Variants in RANBP17 observed in about 807,000 individuals in gnomAD.
The protein encoded by RANBP17 is ran-binding protein 17.
RANBP17 carries 158 observed loss-of-function variants against 141.2 expected under a neutral mutation model. The ratio of observed to expected loss-of-function variants is 1.12; its 90% CI spans 0.98 to 1.28. RANBP17 has a LOEUF of 1.28. Ranked by LOEUF, RANBP17 falls within the 50% of genes most tolerant of loss-of-function variation. The pLI is 0.00. For synonymous variants in RANBP17, 430 were observed against 450.0 expected, an observed-to-expected ratio of 0.96 and a Z score of 0.56; for missense variants, 1,438 against 1,290.7, an observed-to-expected ratio of 1.11 and a Z score of -1.75.
chr5:170,961,041 C>G (rs1020973743), intron 13 of RANBP17, among the ~76,000 whole-genome samples: 1 of 152,202 alleles, frequency 6.6e-6, no homozygotes, highest in African/African-American at 2.4e-5. Flanking sequence ...CCACTGCACC[C>G]GGCCCCCTGC....
chr5:171,143,863 AT>A (rs1757866438), intron 14 of RANBP17, among the ~76,000 whole-genome samples: 1 of 152,228 alleles, frequency 6.6e-6, no homozygotes, highest in African/African-American at 2.4e-5. Flanking sequence ...GAGGATAATT[AT>A]TCTCAGCTGA....
intron 14 of RANBP17, among the ~76,000 whole-genome samples, chr5:171,055,910 A>AAAAAAAG (rs1783332327): frequency 1.4e-5 from 2 of 141,686 alleles, no homozygotes; most frequent in African/African-American, 5.1e-5. Context: ...AAAAAAAAAC[A>AAAAAAAG]TTCTTATTAC....
Position 170,919,415 on chromosome 5 carries a change from A to G in RANBP17, c.1102-26A>G, listed in dbSNP as rs1026561690. 4.1e-6 allele frequency: 6 copies of G among 1,458,552 alleles called. No individual in the cohort carries two copies. In the African/African-American group the frequency reaches 5.7e-5, roughly 14 times the overall value. The allele number at this position is 1,458,552 out of a possible 1,614,324, so 90.4% of individuals were successfully genotyped here. A position where few individuals can be genotyped will look rare whatever the true frequency, so the allele number is the denominator to read the frequency against. On this transcript the variant is annotated intron_variant, in intron 10 of 27. Coordinates refer to ENST00000523189, the MANE Select transcript of RANBP17 (RefSeq NM_022897.5). ...ATTGTAGGAAGATGTAATATTTTAA[A>G]TAACTTCTGCTTTATTTCTTTGTAG... is the stretch of plus-strand genomic sequence containing the variant.
chr5:171,279,810 C>T (rs1043973664), intron 25 of RANBP17, among the ~76,000 whole-genome samples: 1 of 152,062 alleles, frequency 6.6e-6, no homozygotes, highest in Non-Finnish European at 1.5e-5. Flanking sequence ...TGTGAAAGAA[C>T]TTGCCCAAGT....
chr5:170,897,168 C>G (rs1443129938), intron 5 of RANBP17: 3 of 788,772 alleles, frequency 3.8e-6, no homozygotes, highest in Non-Finnish European at 6.6e-6. Context: ...CAGCTCATCA[C>G]TGATACTTAT....
intron 14 of RANBP17, among the ~76,000 whole-genome samples, chr5:170,970,988 G>C (rs1042804390): frequency 1.3e-5 from 2 of 152,300 alleles, no homozygotes; most frequent in Admixed American, 6.5e-5. Context: ...ACTGTTGAAT[G>C]TGTGTATTTA....
intron 3 of RANBP17, among the ~76,000 whole-genome samples, chr5:170,890,837 G>A (rs545551686): frequency 6.6e-6 from 1 of 152,090 alleles, no homozygotes; most frequent in Non-Finnish European, 1.5e-5. Context: ...ATGCTTTCTT[G>A]AATTTATATA....
chr5:171,276,912 GT>G (rs1363719572), intron 25 of RANBP17, among the ~76,000 whole-genome samples: 7 of 43,206 alleles, frequency 1.6e-4, no homozygotes, highest in Admixed American at 7.8e-4. Context: ...TTCACTAAAT[GT>G]ATCTTAAAAA....
intron 14 of RANBP17, among the ~76,000 whole-genome samples, chr5:170,979,555 G>C (rs1011396636): frequency 2.0e-5 from 3 of 152,116 alleles, no homozygotes; most frequent in Non-Finnish European, 4.4e-5. Context: ...CATGGGACAG[G>C]TCTTTCCTAT....
chr5:171,252,275 A>G, intron 24 of RANBP17: 3 of 1,553,828 alleles, frequency 1.9e-6, no homozygotes, highest in South Asian at 2.3e-5. Context: ...CGCTTACCTA[A>G]TGGTAATATT....
In RANBP17 at chr5:171,012,843, A is replaced by G. The variant is rs184404753; in HGVS notation, c.1710+44466A>G. Among the ~76,000 whole-genome samples, 619 of 152,272 alleles carry G rather than the reference A, an allele frequency of 4.1e-3. 5 individuals carry two copies. The highest frequency in any genetic ancestry group is 0.014 in the African/African-American group (595 of 41,566). On this transcript the variant is annotated intron_variant, in intron 14 of 27. Coordinates refer to ENST00000523189, the MANE Select transcript of RANBP17 (RefSeq NM_022897.5). Reference sequence around the variant, plus strand: ...AAAGTATACTTTTAAAAACAAATGTATATGGTTGCTTGCAGATACGATCAA... The same window carrying G: ...AAAGTATACTTTTAAAAACAAATGTGTATGGTTGCTTGCAGATACGATCAA...
At chr5:171,069,119 G>T (rs541357597) in intron 14 of RANBP17, among the ~76,000 whole-genome samples, 1 of 152,128 alleles carries the variant, frequency 6.6e-6, no homozygotes, top group African/African-American at 2.4e-5. Context: ...TAGGTGTTCT[G>T]TTTCTTTAAA....
chr5:171,006,545 A>G (rs902658808), intron 14 of RANBP17, among the ~76,000 whole-genome samples: 7 of 152,222 alleles, frequency 4.6e-5, no homozygotes, highest in East Asian at 1.9e-4. Flanking sequence ...GAATTGAACA[A>G]TGAGAACACA....
chr5:171,159,886 C>G (rs1759198867), intron 14 of RANBP17, among the ~76,000 whole-genome samples: 1 of 145,126 alleles, frequency 6.9e-6, no homozygotes, highest in South Asian at 2.2e-4. Context: ...TCATGCCACT[C>G]CAGCCTGGGC....
chr5:171,047,476 G>A (rs1431229794), intron 14 of RANBP17, among the ~76,000 whole-genome samples: 4 of 133,010 alleles, frequency 3.0e-5, no homozygotes, highest in Admixed American at 1.8e-4. Context: ...TCACTCTGTC[G>A]CCCAGGCTGG....
At chr5:171,004,793 G>A (rs1779468758) in intron 14 of RANBP17, among the ~76,000 whole-genome samples, 1 of 152,180 alleles carries the variant, frequency 6.6e-6, no homozygotes, top group African/African-American at 2.4e-5. Context: ...GCACGGCTTA[G>A]GAGGAATCCC....
chr5:171,007,048 G>A (rs529436673), intron 14 of RANBP17, among the ~76,000 whole-genome samples: 54 of 152,258 alleles, frequency 3.5e-4, no homozygotes, highest in African/African-American at 1.3e-3. Context: ...GAAGCCGGTG[G>A]TTATCAGTGT....
chr5:171,156,716 G>T (rs1758927870), intron 14 of RANBP17, among the ~76,000 whole-genome samples: 1 of 152,104 alleles, frequency 6.6e-6, no homozygotes, highest in Non-Finnish European at 1.5e-5. Context: ...TTGCCGCACT[G>T]CAGTAATAAA....
chr5:170,879,026 A>T (rs887359153), intron 2 of RANBP17, among the ~76,000 whole-genome samples: 1 of 152,186 alleles, frequency 6.6e-6, no homozygotes, highest in Non-Finnish European at 1.5e-5. Context: ...TAATGAAGAG[A>T]ATAGAACTGT....
Sources: gnomAD v4.1 joint callset for allele counts (sites outside exome capture counted in the v4.1 genomes callset) on GRCh38, gnomAD v4.1.1 for gene constraint, MANE v1.5 for transcripts, NCBI Gene and HGNC (gene_info 2026-07-23, HGNC 2026-07-21) for gene names.